The following CTNNA2 variants were observed in gnomAD, a reference collection of about 807,000 sequenced individuals.
CTNNA2 encodes the protein catenin alpha-2.
Under a neutral mutation model 101.0 loss-of-function variants are expected in CTNNA2, and 42 were observed. The observed-to-expected ratio is 0.42, with a 90% CI of 0.32 to 0.54. The LOEUF is 0.54. CTNNA2 is among the 20% of genes least tolerant of loss of function. The probability of loss-of-function intolerance (pLI) is 0.14; values close to 1 mark genes in which losing one functional copy is unlikely to be tolerated. For missense variants in CTNNA2, 871 were observed against 1,223.1 expected (o/e 0.71, Z 4.29); for synonymous variants, 450 against 456.4 (o/e 0.99, Z 0.18).
intron 4 of CTNNA2, among the ~76,000 whole-genome samples, chr2:79,860,778 C>G (rs1368083104): frequency 2.0e-5 from 3 of 152,046 alleles, no homozygotes; most frequent in Non-Finnish European, 2.9e-5. Context: ...GGTGTTTTCT[C>G]TCATGAACTA....
intron 14 of CTNNA2, among the ~76,000 whole-genome samples, chr2:80,583,231 G>C (rs1427512300): frequency 6.6e-6 from 1 of 152,146 alleles, no homozygotes; most frequent in Non-Finnish European, 1.5e-5. Flanking sequence ...CACAATATTA[G>C]ACATTCAGTA....
chr2:79,768,227 T>C (rs1673302973), intron 3 of CTNNA2, among the ~76,000 whole-genome samples: 1 of 151,650 alleles, frequency 6.6e-6, no homozygotes, highest in African/African-American at 2.4e-5. Context: ...CCTTTCCCAG[T>C]GCCAGAGGTG....
At chr2:80,200,323 C>T (rs895740760) in intron 7 of CTNNA2, among the ~76,000 whole-genome samples, 9 of 152,070 alleles carry the variant, frequency 5.9e-5, no homozygotes, top group Non-Finnish European at 8.8e-5. Context: ...TCATGAGGCC[C>T]GGAAGGGATG....
chr2:80,299,170 T>C (rs1295044726), intron 7 of CTNNA2: 1 of 152,104 alleles, frequency 6.6e-6, no homozygotes, highest in Non-Finnish European at 1.5e-5. Context: ...ATTAGCACCC[T>C]CTGTGGGAAG....
intron 6 of CTNNA2, among the ~76,000 whole-genome samples, chr2:79,875,904 C>T (rs1220831401): frequency 6.6e-6 from 1 of 151,942 alleles, no homozygotes; most frequent in Non-Finnish European, 1.5e-5. Context: ...ATACAAAAAT[C>T]TCTAGATTTT....
chr2:79,714,440 T>G (rs990975408), intron 2 of CTNNA2, among the ~76,000 whole-genome samples: 2 of 152,176 alleles, frequency 1.3e-5, no homozygotes, highest in Admixed American at 1.3e-4. Context: ...CTATTAGACA[T>G]GTACTGACTT....
At chr2:80,326,478 C>G (rs865959315) in intron 7 of CTNNA2, among the ~76,000 whole-genome samples, 1 of 152,114 alleles carries the variant, frequency 6.6e-6, no homozygotes, top group Admixed American at 6.5e-5. Flanking sequence ...TCCCTGCCCC[C>G]CTTGCCTCTC....
intron 3 of CTNNA2, among the ~76,000 whole-genome samples, chr2:79,771,998 C>A (rs1673622655): frequency 6.6e-6 from 1 of 151,378 alleles, no homozygotes; most frequent in South Asian, 2.1e-4. Flanking sequence ...TTAACCCCCC[C>A]TCCTCCCCTC....
chr2:80,032,615 A>C (rs1241400834), intron 7 of CTNNA2, among the ~76,000 whole-genome samples: 1 of 152,204 alleles, frequency 6.6e-6, no homozygotes, highest in African/African-American at 2.4e-5. Context: ...ATACTTAAAC[A>C]ATTAGTGCAA....
At chr2:79,538,893 T>G (rs1411986363) in intron 1 of CTNNA2, among the ~76,000 whole-genome samples, 1 of 152,158 alleles carries the variant, frequency 6.6e-6, no homozygotes, top group Non-Finnish European at 1.5e-5. Flanking sequence ...TGGTGGCAGA[T>G]AAATCAATTA....
At chr2:80,469,232 C>T (rs1685095741) in intron 9 of CTNNA2, among the ~76,000 whole-genome samples, 1 of 152,166 alleles carries the variant, frequency 6.6e-6, no homozygotes, top group Admixed American at 6.5e-5. Context: ...GACATCTATT[C>T]TGTCTTAGAA....
At chr2:79,231,057 A>T (rs1387085953) in intron 2 of CTNNA2, among the ~76,000 whole-genome samples, 1 of 152,136 alleles carries the variant, frequency 6.6e-6, no homozygotes, top group Non-Finnish European at 1.5e-5. Context: ...CAGGTGAGAC[A>T]TTGGGCTGTG....
intron 9 of CTNNA2, among the ~76,000 whole-genome samples, chr2:80,507,626 T>G: frequency 6.6e-6 from 1 of 152,198 alleles, no homozygotes; most frequent in Non-Finnish European, 1.5e-5. Context: ...ACATAATCTA[T>G]TTTGTAGGAA....
At chr2:79,187,332 C>G (rs1673794595) in intron 1 of CTNNA2, among the ~76,000 whole-genome samples, 1 of 137,984 alleles carries the variant, frequency 7.2e-6, no homozygotes, top group African/African-American at 2.7e-5. Context: ...TGCAGTGGCA[C>G]AATCTCAGCT....
At chr2:80,121,376 G>T (rs541165480) in intron 7 of CTNNA2, among the ~76,000 whole-genome samples, 15 of 152,174 alleles carry the variant, frequency 9.9e-5, no homozygotes, top group African/African-American at 3.6e-4. Flanking sequence ...CTCTCCAGCT[G>T]GTTTTTGAAG....
At chr2:79,344,840 TA>T (rs1247097245) in intron 3 of CTNNA2, among the ~76,000 whole-genome samples, 112 of 145,742 alleles carry the variant, frequency 7.7e-4, no homozygotes, top group Admixed American at 2.3e-3. Flanking sequence ...ATATATATAA[TA>T]CAAATATTAT....
intron 7 of CTNNA2, among the ~76,000 whole-genome samples, chr2:80,017,430 TGA>T (rs1318804442): frequency 6.6e-6 from 1 of 151,802 alleles, no homozygotes; most frequent in Non-Finnish European, 1.5e-5. Flanking sequence ...TGATTTACAT[TGA>T]GATATATATA....
chr2:79,680,473 G>A (rs1356839589), intron 2 of CTNNA2, among the ~76,000 whole-genome samples: 1 of 152,102 alleles, frequency 6.6e-6, no homozygotes, highest in Non-Finnish European at 1.5e-5. Flanking sequence ...AAAAAAATGT[G>A]TGATAGACAA....
At chr2:79,846,095 C>T (rs577316709) in intron 3 of CTNNA2, among the ~76,000 whole-genome samples, 4 of 152,274 alleles carry the variant, frequency 2.6e-5, no homozygotes, top group South Asian at 2.1e-4. Context: ...GTTTTCCCCA[C>T]GTTGCATTTT....
Sources: gnomAD v4.1 joint callset for allele counts (sites outside exome capture counted in the v4.1 genomes callset) on GRCh38, gnomAD v4.1.1 for gene constraint, MANE v1.5 for transcripts, NCBI Gene and HGNC (gene_info 2026-07-23, HGNC 2026-07-21) for gene names.